The following PCDHGA9 variants were observed in gnomAD, a reference collection of about 807,000 sequenced individuals.
PCDHGA9 encodes protocadherin gamma subfamily A, 9.
In PCDHGA9, 37 loss-of-function variants were observed where a neutral mutation model predicts 62.5. The ratio of observed to expected loss-of-function variants is 0.59; its 90% CI spans 0.46 to 0.78. The LOEUF is 0.78. Ranked by LOEUF, PCDHGA9 falls within the 30% of genes least tolerant of loss-of-function variation. The pLI is 0.00. For missense variants in PCDHGA9, 1,138 were observed against 1,166.2 expected (o/e 0.98, Z 0.35); for synonymous variants, 459 against 484.6 (o/e 0.95, Z 0.69).
Position 141,485,208 on chromosome 5 carries a change from G to T in PCDHGA9, c.2425-9599G>T, listed in dbSNP as rs2099609377. On this transcript the variant is annotated intron_variant, in intron 1 of 3. Coordinates refer to ENST00000573521, the MANE Select transcript of PCDHGA9 (RefSeq NM_018921.3). This position sits in a 1 kb window ranked among gnomAD's most constrained non-coding sequence, Gnocchi z 5.7. ...AAGGTGAGAAGCTGGACAGAAATCT[G>T]GCGGTGGGCTACCCTTTTGTTCCTC... The T allele has an allele frequency of 6.2e-7, 1 of 1,613,998 alleles. No homozygotes were observed. The highest frequency in any genetic ancestry group is 1.3e-5 in the African/African-American group (1 of 74,930).
intron 1 of PCDHGA9, among the ~76,000 whole-genome samples, chr5:141,468,178 T>G (rs1033546956): frequency 1.3e-5 from 2 of 151,580 alleles, no homozygotes; most frequent in African/African-American, 4.8e-5. Context: ...TAGAAAAATT[T>G]GCTGGGCATG....
At chr5:141,409,405 C>T in intron 1 of PCDHGA9, 1 of 1,614,050 alleles carries the variant, frequency 6.2e-7, no homozygotes, top group Non-Finnish European at 8.5e-7. Context: ...CCAATAACTA[C>T]TACAAACTGG....
intron 1 of PCDHGA9, among the ~76,000 whole-genome samples, chr5:141,472,991 AAAAAAAGAAAGAAAAAG>A (rs2099310051): frequency 6.6e-6 from 1 of 151,894 alleles, no homozygotes; most frequent in Admixed American, 6.6e-5. Flanking sequence ...AAAAAAAAAA[AAAAAAAGAAAGAAAAAG>A]AAAAAGAAAG....
At position 141,431,110 on chromosome 5, in the gene PCDHGA9, T is replaced by G; in HGVS notation, c.2424+25734T>G. 1.2e-6 allele frequency: 2 copies of G among 1,614,168 alleles called. No individual in the cohort carries two copies. The highest frequency in any genetic ancestry group is 1.7e-6 in the Non-Finnish European group (2 of 1,180,012). On this transcript the variant is annotated intron_variant, in intron 1 of 3. Transcript: ENST00000573521. This position sits in a 1 kb window ranked among gnomAD's most constrained non-coding sequence, Gnocchi z 4.8. Reference sequence around the variant, plus strand: ...TGATGGAGGATAAAGTGAAAATATATGGAGTAGAAGTAGAAGTAAGGGACA... The same window carrying G: ...TGATGGAGGATAAAGTGAAAATATAGGGAGTAGAAGTAGAAGTAAGGGACA...
chr5:141,481,694 C>A (rs2099542163), intron 1 of PCDHGA9, among the ~76,000 whole-genome samples: 1 of 152,130 alleles, frequency 6.6e-6, no homozygotes, highest in South Asian at 2.1e-4. Flanking sequence ...TGGCTCACGC[C>A]TGTAATCCCA....
In PCDHGA9 at chr5:141,485,472, C is replaced by T. The variant is rs1185020546; in HGVS notation, c.2425-9335C>T. On this transcript the variant is annotated intron_variant, in intron 1 of 3. Transcript: ENST00000573521. This position sits in a 1 kb window ranked among gnomAD's most constrained non-coding sequence, Gnocchi z 5.7. The stretch of plus-strand genomic sequence containing the variant: ...CGAGAGGCACTGTGTGGGCTCAGTG[C>T]CAGCTGCATCGTGCCCCTGGAGTTT... The T allele has an allele frequency of 3.1e-6, 5 of 1,614,138 alleles. No individual in the cohort carries two copies. In the South Asian group the frequency reaches 5.5e-5, roughly 18 times the overall value.
intron 1 of PCDHGA9, among the ~76,000 whole-genome samples, chr5:141,463,573 C>T (rs1331124291): frequency 6.6e-6 from 1 of 151,436 alleles, no homozygotes; most frequent in East Asian, 1.9e-4. Flanking sequence ...CTCAGCCTCC[C>T]GAGTAGCTGG....
rs375363587 is a variant in PCDHGA9 at position 141,414,524 on chromosome 5, A to G, written c.2424+9148A>G. On this transcript the variant is annotated intron_variant, in intron 1 of 3. Coordinates refer to ENST00000573521, the MANE Select transcript of PCDHGA9 (RefSeq NM_018921.3). ...TTTATGCTACAAGTGGCAGATATCA[A>G]TGACAACCCACCTACCTTCTCTCAA... 105 of 1,613,844 alleles carry G rather than the reference A, an allele frequency of 6.5e-5. 1 individual carries two copies. In the South Asian group the frequency reaches 7.2e-4, roughly 11 times the overall value.
Position 141,491,730 on chromosome 5 carries a change from C to G in PCDHGA9, c.2425-3077C>G, listed in dbSNP as rs1346666614. 1 of 1,603,920 alleles carries G rather than the reference C, an allele frequency of 6.2e-7. No homozygotes were observed. Among genetic ancestry groups the G allele is most frequent in the Non-Finnish European group, 8.5e-7 (1 of 1,175,836 alleles). ...GGGGCTCGGCGCCGCCCCGGGCGAC[C>G]CCTGGGGGCGGCACTGGAGAAGCCG... On this transcript the variant is annotated intron_variant, in intron 1 of 3. Coordinates refer to ENST00000573521, the MANE Select transcript of PCDHGA9 (RefSeq NM_018921.3). The surrounding 1 kb of genome is among the most constrained non-coding windows in gnomAD (Gnocchi z 6.9).
chr5:141,405,770 G>T (rs989163026), intron 1 of PCDHGA9, among the ~76,000 whole-genome samples: 1 of 152,032 alleles, frequency 6.6e-6, no homozygotes. Context: ...GAGCCACTGC[G>T]CCTGGCCCTT....
intron 1 of PCDHGA9, chr5:141,423,426 G>A: frequency 6.2e-7 from 1 of 1,614,028 alleles, no homozygotes; most frequent in Non-Finnish European, 8.5e-7. Context: ...AAGGCGGGTT[G>A]GCAGGTATGC....
Position 141,487,106 on chromosome 5 carries a change from A to G in PCDHGA9, c.2425-7701A>G, listed in dbSNP as rs777727830. ...TGACCTCCCACCACAGAAGCTGGTC[A>G]TTGTGGTAAAGGATAGTGGTAGTCC... On this transcript the variant is annotated intron_variant, in intron 1 of 3. Transcript: ENST00000573521. The surrounding 1 kb of genome is among the most constrained non-coding windows in gnomAD (Gnocchi z 5.0). 1 of 1,613,902 alleles carries G rather than the reference A, an allele frequency of 6.2e-7. No individual in the cohort carries two copies. The highest frequency in any genetic ancestry group is 1.3e-5 in the African/African-American group (1 of 75,028).
chr5:141,413,962 AC>A, intron 1 of PCDHGA9: 1 of 1,613,404 alleles, frequency 6.2e-7, no homozygotes, highest in Non-Finnish European at 8.5e-7. Context: ...GCCTGTGGGC[AC>A]TCAGCTGCTG....
Position 141,476,472 on chromosome 5 carries a change from T to C in PCDHGA9, c.2425-18335T>C. On this transcript the variant is annotated intron_variant, in intron 1 of 3. Coordinates refer to ENST00000573521, the MANE Select transcript of PCDHGA9 (RefSeq NM_018921.3). The surrounding 1 kb of genome is among the most constrained non-coding windows in gnomAD (Gnocchi z 7.6). The stretch of plus-strand genomic sequence containing the variant: ...GTAGTGGAGAACCCGCTGGAGCTGT[T>C]CAGCGTGGAAGTGGTGATCCAGGAC... 1 of 1,614,098 alleles carries C rather than the reference T, an allele frequency of 6.2e-7. No homozygotes were observed. The highest frequency in any genetic ancestry group is 8.5e-7 in the Non-Finnish European group (1 of 1,180,024).
At chr5:141,467,748 G>A (rs186276272) in intron 1 of PCDHGA9, among the ~76,000 whole-genome samples, 22 of 151,912 alleles carry the variant, frequency 1.4e-4, no homozygotes, top group South Asian at 2.1e-4. Context: ...TGCAACCTCC[G>A]CCTCACATGC....
At position 141,477,591 on chromosome 5, in the gene PCDHGA9, T is replaced by C; in HGVS notation, c.2425-17216T>C. On this transcript the variant is annotated intron_variant, in intron 1 of 3. Coordinates refer to ENST00000573521, the MANE Select transcript of PCDHGA9 (RefSeq NM_018921.3). This position sits in a 1 kb window ranked among gnomAD's most constrained non-coding sequence, Gnocchi z 4.9. Reference sequence around the variant, plus strand: ...CCCGACGCCCCGCAGAATGCTCGGCTTTCTTTCTTTCTCTTGGAGCAAGGA... The same window carrying C: ...CCCGACGCCCCGCAGAATGCTCGGCCTTCTTTCTTTCTCTTGGAGCAAGGA... The C allele has an allele frequency of 6.2e-7, 1 of 1,614,136 alleles. No homozygotes were observed. The highest frequency in any genetic ancestry group is 8.5e-7 in the Non-Finnish European group (1 of 1,180,016).
chr5:141,494,740 T>C, intron 1 of PCDHGA9, 67 bp from the exon 2 acceptor site: 1 of 1,612,194 alleles, frequency 6.2e-7, no homozygotes, highest in Non-Finnish European at 8.5e-7. Context: ...GGCCCATCCC[T>C]AGGGGCTCGG....
At chr5:141,440,382 C>T (rs898655247) in intron 1 of PCDHGA9, 2 of 152,178 alleles carry the variant, frequency 1.3e-5, no homozygotes, top group Non-Finnish European at 2.9e-5. Context: ...AGGAGAATCG[C>T]TTGAACCCGA....
chr5:141,491,361 C>T lies in PCDHGA9; in HGVS notation c.2425-3446C>T. 1 of 1,614,132 alleles carries T rather than the reference C, an allele frequency of 6.2e-7. No homozygotes were observed. The highest frequency in any genetic ancestry group is 8.5e-7 in the Non-Finnish European group (1 of 1,179,982). ...CGACCGTCAGTCTCTTATCCCTAGT[C>T]ACCTTCACCTTTCTGTCAGCGAAGT... On this transcript the variant is annotated intron_variant, in intron 1 of 3. Transcript: ENST00000573521. The surrounding 1 kb of genome is among the most constrained non-coding windows in gnomAD (Gnocchi z 6.9).
Sources: gnomAD v4.1 joint callset for allele counts (sites outside exome capture counted in the v4.1 genomes callset) on GRCh38, gnomAD v4.1.1 for gene constraint, Gnocchi (gnomAD v3.1) non-coding constraint, MANE v1.5 for transcripts, NCBI Gene and HGNC (gene_info 2026-07-23, HGNC 2026-07-21) for gene names.